The following PRDM6 variants were observed in gnomAD, a reference collection of about 807,000 sequenced individuals.
The protein encoded by PRDM6 is PR/SET domain 6.
A neutral mutation model predicts 60.8 loss-of-function variants in PRDM6; 25 were observed. That is an observed-to-expected ratio of 0.41 (90% CI 0.30 to 0.57). The LOEUF (loss-of-function observed/expected upper bound fraction) is 0.57. Ranked by LOEUF, PRDM6 falls within the 20% of genes least tolerant of loss-of-function variation. The probability of loss-of-function intolerance (pLI) is 0.27; values close to 1 mark genes in which losing one functional copy is unlikely to be tolerated. For missense variants in PRDM6, 839 were observed against 821.3 expected (o/e 1.02, Z -0.26); for synonymous variants, 407 against 357.4 (o/e 1.14, Z -1.57).
rs969834237 is a variant in PRDM6, at chr5:123,090,278, C to T, written c.264C>T (p.Thr88=). The stretch of plus-strand genomic sequence containing the variant: ...CGTCCACGCCGGCTTCCTCTTCCAC[C>T]TCCGCCTCCTCCGCCTCCTCCTGCG... ...SASSTPASSS[T]SASSASSCAA... The change falls in exon 2 of 8, where the codon ACC becomes ACT. Residue 88 remains threonine, a synonymous_variant. Coordinates refer to ENST00000407847, the MANE Select transcript of PRDM6 (RefSeq NM_001136239.4). 4 of 1,487,434 alleles carry T rather than the reference C, an allele frequency of 2.7e-6. No homozygotes were observed. In the East Asian group the frequency reaches 8.8e-5, roughly 33 times the overall value. The allele number at this position is 1,487,434 out of a possible 1,614,324, so 92.1% of individuals were successfully genotyped here.
chr5:123,158,091 C>G (rs530583561), intron 4 of PRDM6, among the ~76,000 whole-genome samples: 1 of 152,310 alleles, frequency 6.6e-6, no homozygotes, highest in Admixed American at 6.5e-5. Context: ...TCGGCCTATT[C>G]GGTGCCTCAG....
chr5:123,100,541 T>C (rs1764078671), intron 3 of PRDM6, among the ~76,000 whole-genome samples: 2 of 152,198 alleles, frequency 1.3e-5, no homozygotes, highest in African/African-American at 2.4e-5. Flanking sequence ...GCAAATTATA[T>C]TGGGAATCAA....
chr5:123,128,228 T>C (rs1764739063), intron 3 of PRDM6, among the ~76,000 whole-genome samples: 1 of 152,222 alleles, frequency 6.6e-6, no homozygotes, highest in Admixed American at 6.5e-5. Flanking sequence ...ACAGTAAACA[T>C]ACGTGTGCAT....
chr5:123,159,711 T>G, intron 5 of PRDM6, 73 bp downstream of exon 5: 1 of 1,433,010 alleles, frequency 7.0e-7, no homozygotes, highest in South Asian at 1.3e-5. Flanking sequence ...AAGAGCTTTT[T>G]TTGAAACTCA....
At chr5:123,137,970 A>G (rs778668241) in intron 3 of PRDM6, among the ~76,000 whole-genome samples, 18 of 152,146 alleles carry the variant, frequency 1.2e-4, no homozygotes, top group Non-Finnish European at 2.4e-4. Flanking sequence ...ATAAAGATAC[A>G]GCAAAAACCA....
At chr5:123,167,710 G>A (rs189665690) in intron 5 of PRDM6, among the ~76,000 whole-genome samples, 1 of 152,004 alleles carries the variant, frequency 6.6e-6, no homozygotes, top group East Asian at 1.9e-4. Context: ...CTTTCTAGGA[G>A]TGTAAGTCAG....
rs116393857 is a variant in PRDM6, at chr5:123,119,849, C to T, written c.900+19888C>T. 9.3e-3 allele frequency among the ~76,000 whole-genome samples: 1,409 copies of T among 152,154 alleles called. 27 individuals carry two copies. The highest frequency in any genetic ancestry group is 0.027 in the African/African-American group (1,141 of 41,526). ...AATTCAAACAGTCAAGCTAAGTAGA[C>T]GCATTTTTTAAATGAAAATACATGA... On this transcript the variant is annotated intron_variant, in intron 3 of 7. Transcript: ENST00000407847.
intron 2 of PRDM6, among the ~76,000 whole-genome samples, chr5:123,092,201 A>G (rs1046693445): frequency 9.2e-5 from 14 of 152,260 alleles, no homozygotes; most frequent in Admixed American, 2.6e-4. Flanking sequence ...TTCAAAAAAT[A>G]CTTATCTCCT....
At chr5:123,157,699 G>A (rs1765533447) in intron 4 of PRDM6, among the ~76,000 whole-genome samples, 2 of 152,298 alleles carry the variant, frequency 1.3e-5, no homozygotes, top group South Asian at 4.1e-4. Context: ...GAAGAGCCAG[G>A]CTAATTTTTA....
At chr5:123,095,890 AG>A (rs1284695187) in intron 2 of PRDM6, among the ~76,000 whole-genome samples, 3 of 152,164 alleles carry the variant, frequency 2.0e-5, no homozygotes, top group African/African-American at 7.2e-5. Context: ...ATTCCAGAAA[AG>A]AAAACCATGG....
chr5:123,124,236 C>G (rs935513086), intron 3 of PRDM6, among the ~76,000 whole-genome samples: 6 of 152,144 alleles, frequency 3.9e-5, no homozygotes, highest in Non-Finnish European at 7.3e-5. Context: ...AAGAGCCAAT[C>G]TGGTGGTATT....
Position 123,089,323 on chromosome 5 carries a change from C to G in PRDM6, c.-212C>G, listed in dbSNP as rs892923074. ...GGCGGTTGAGTCGGGCGCCCAGGTC[C>G]GTCCGCACTCTCGCGCCCTCCGCGG... On this transcript the variant is annotated 5_prime_UTR_variant, in exon 1 of 8. Coordinates refer to ENST00000407847, the MANE Select transcript of PRDM6 (RefSeq NM_001136239.4). 1.3e-5 allele frequency: 2 copies of G among 152,938 alleles called. No homozygotes were observed. The highest frequency in any genetic ancestry group is 2.4e-5 in the African/African-American group (1 of 41,560). The allele number at this position is 152,938 out of a possible 1,614,324, so 9.5% of individuals were successfully genotyped here. A position where few individuals can be genotyped will look rare whatever the true frequency, so the allele number is the denominator to read the frequency against.
intron 6 of PRDM6, among the ~76,000 whole-genome samples, chr5:123,171,968 G>C (rs1296166005): frequency 1.3e-5 from 2 of 152,150 alleles, no homozygotes; most frequent in African/African-American, 4.8e-5. Context: ...ATGAAAACTT[G>C]ATTAAAATCC....
intron 3 of PRDM6, among the ~76,000 whole-genome samples, chr5:123,144,299 C>A (rs1765187610): frequency 6.6e-6 from 1 of 152,230 alleles, no homozygotes; most frequent in Non-Finnish European, 1.5e-5. Context: ...TGCTCTCCCC[C>A]ATAGTGGATG....
intron 3 of PRDM6, among the ~76,000 whole-genome samples, chr5:123,112,783 C>CTTTTTTTTTTTTTTTT (rs537426568): frequency 2.1e-5 from 1 of 47,504 alleles, no homozygotes; most frequent in Non-Finnish European, 3.6e-5. Context: ...TCTAATGGCT[C>CTTTTTTTTTTTTTTTT]TTTTTTTTTT....
chr5:123,165,495 ACTTT>A (rs1040302501), intron 5 of PRDM6, among the ~76,000 whole-genome samples: 2 of 152,036 alleles, frequency 1.3e-5, no homozygotes, highest in Non-Finnish European at 1.5e-5. Flanking sequence ...ATGACTTCAC[ACTTT>A]CTTTCTTTAG....
At chr5:123,095,233 G>A (rs957788031) in intron 2 of PRDM6, among the ~76,000 whole-genome samples, 1 of 152,240 alleles carries the variant, frequency 6.6e-6, no homozygotes, top group Non-Finnish European at 1.5e-5. Flanking sequence ...GTCGGATCGT[G>A]GGTGGTGTCG....
intron 3 of PRDM6, among the ~76,000 whole-genome samples, chr5:123,155,226 C>T (rs1426405972): frequency 2.7e-5 from 4 of 147,858 alleles, no homozygotes; most frequent in African/African-American, 1.0e-4. Flanking sequence ...TCATAGGAGA[C>T]AGCCATTTTT....
chr5:123,171,037 T>C lies in PRDM6; in HGVS notation c.1425T>C (p.Cys475=). 6.4e-7 allele frequency: 1 copy of C among 1,552,076 alleles called. No individual in the cohort carries two copies. Among genetic ancestry groups the C allele is most frequent in the African/African-American group, 1.4e-5 (1 of 73,178 alleles). The change falls in exon 6 of 8, where the codon TGT becomes TGC. Residue 475 remains cysteine, a synonymous_variant. Coordinates refer to ENST00000407847, the MANE Select transcript of PRDM6 (RefSeq NM_001136239.4). ...TCAGTGACTGGCATCTTTGGAAATG[T>C]GGGCAGTGCTTTAAGACTTTCACCC... is the stretch of plus-strand genomic sequence containing the variant. The part of the protein sequence containing the change: ...SEFSDWHLWK[C]GQCFKTFTQR...
Sources: gnomAD v4.1 joint callset for allele counts (sites outside exome capture counted in the v4.1 genomes callset) on GRCh38, gnomAD v4.1.1 for gene constraint, MANE v1.5 for transcripts, NCBI Gene and HGNC (gene_info 2026-07-23, HGNC 2026-07-21) for gene names.